P3H2: variants seen among roughly 807,000 people sequenced by gnomAD.
P3H2 encodes prolyl 3-hydroxylase 2.
P3H2 carries 80 observed loss-of-function variants against 87.0 expected under a neutral mutation model. The observed-to-expected ratio is 0.92, with a 90% CI of 0.77 to 1.11. The LOEUF (loss-of-function observed/expected upper bound fraction) is 1.11. P3H2 is among the 50% of genes least tolerant of loss of function. The probability of loss-of-function intolerance (pLI) is 0.00; values close to 1 mark genes in which losing one functional copy is unlikely to be tolerated. For missense variants in P3H2, 1,001 were observed against 923.9 expected (o/e 1.08, Z -1.08); for synonymous variants, 367 against 359.3 (o/e 1.02, Z -0.24).
At chr3:189,978,552 T>C (rs1322928498) in intron 8 of P3H2, among the ~76,000 whole-genome samples, 1 of 152,160 alleles carries the variant, frequency 6.6e-6, no homozygotes, top group Non-Finnish European at 1.5e-5. Flanking sequence ...GAATCTTGGG[T>C]TCCGGGAGAA....
At chr3:190,022,964 C>T (rs1008628487) in intron 1 of P3H2, among the ~76,000 whole-genome samples, 4 of 152,044 alleles carry the variant, frequency 2.6e-5, no homozygotes, top group African/African-American at 4.8e-5. Flanking sequence ...GTAGCTGGGA[C>T]TACAGGCACC....
intron 3 of P3H2, among the ~76,000 whole-genome samples, chr3:189,992,162 T>G (rs1301841368): frequency 6.6e-6 from 1 of 152,210 alleles, no homozygotes; most frequent in East Asian, 1.9e-4. Context: ...TGGCACCATC[T>G]CGGCTCACTG....
chr3:190,048,225 G>C (rs1725865599), intron 1 of P3H2, among the ~76,000 whole-genome samples: 1 of 152,138 alleles, frequency 6.6e-6, no homozygotes, highest in South Asian at 2.1e-4. Flanking sequence ...GCCGGGTGTG[G>C]TGGTTGACAC....
chr3:190,090,619 T>G (rs1399089545), intron 1 of P3H2, among the ~76,000 whole-genome samples: 1 of 151,604 alleles, frequency 6.6e-6, no homozygotes, highest in Admixed American at 6.6e-5. Context: ...AGGAGAATGG[T>G]GTGAAGCTGG....
chr3:190,081,588 A>G (rs1727047063), intron 1 of P3H2, among the ~76,000 whole-genome samples: 1 of 152,176 alleles, frequency 6.6e-6, no homozygotes, highest in South Asian at 2.1e-4. Flanking sequence ...TCTCCTCTTC[A>G]GGCCTGAGAG....
At position 190,085,696 on chromosome 3, in the gene P3H2, T is replaced by C. The variant is rs150253794; in HGVS notation, c.480+34556A>G. On this transcript the variant is annotated intron_variant, in intron 1 of 14. Coordinates refer to ENST00000319332, the MANE Select transcript of P3H2 (RefSeq NM_018192.4). ...AAAACCTAGAGACAGAAAATACTAATATTTATGTACAAAAGTGACTTTTGA... is the reference window on the plus strand; with the variant it reads ...AAAACCTAGAGACAGAAAATACTAACATTTATGTACAAAAGTGACTTTTGA... 1.1e-4 allele frequency among the ~76,000 whole-genome samples: 17 copies of C among 152,322 alleles called. No homozygotes were observed. The East Asian group carries it at 2.7e-3, about 24-fold the overall frequency.
At chr3:190,077,375 A>C (rs1194330065) in intron 1 of P3H2, among the ~76,000 whole-genome samples, 1 of 152,218 alleles carries the variant, frequency 6.6e-6, no homozygotes, top group African/African-American at 2.4e-5. Context: ...CAGACCTGGA[A>C]AATCAGTTGA....
intron 1 of P3H2, among the ~76,000 whole-genome samples, chr3:190,072,894 G>T (rs988087645): frequency 6.6e-6 from 1 of 152,092 alleles, no homozygotes; most frequent in Non-Finnish European, 1.5e-5. Context: ...TCTATACTTT[G>T]CTTCTCTATA....
chr3:190,084,382 C>T (rs1560393887), intron 1 of P3H2, among the ~76,000 whole-genome samples: 1 of 152,194 alleles, frequency 6.6e-6, no homozygotes, highest in Non-Finnish European at 1.5e-5. Context: ...AAGTAGCACA[C>T]TAATAGCATT....
Position 189,972,894 on chromosome 3 carries a change from A to G in P3H2, c.1679T>C (p.Val560Ala), listed in dbSNP as rs766322611. The G allele has an allele frequency of 9.3e-6, 15 of 1,614,148 alleles. No individual in the cohort carries two copies. The highest frequency in any genetic ancestry group is 3.3e-4 in the Middle Eastern group (2 of 6,062). Residue 560 changes from valine (V) to alanine (A), a missense_variant, in exon 11 of 15, where the codon GTC becomes GCC. Physicochemically the swap from Val to Ala is moderately conservative, Grantham distance 64. Coordinates refer to ENST00000319332, the MANE Select transcript of P3H2 (RefSeq NM_018192.4). ...STLYFSYTHM[V>A]CRTALSGQQD... ...CTCACCAGACAGGGCTGTTCGGCAG[A>G]CCATGTGTGTATAGGAAAAATACAG...
At chr3:190,000,586 C>T (rs71310846) in intron 1 of P3H2, among the ~76,000 whole-genome samples, 1 of 152,186 alleles carries the variant, frequency 6.6e-6, no homozygotes, top group Admixed American at 6.5e-5. Context: ...ATTCATTCAT[C>T]AAAGATTTCT....
intron 13 of P3H2, among the ~76,000 whole-genome samples, chr3:189,968,338 T>C (rs1055410439): frequency 1.1e-4 from 17 of 152,126 alleles, no homozygotes; most frequent in Admixed American, 1.1e-3. Context: ...AGTGAGAACA[T>C]GTGGTGTTTG....
intron 1 of P3H2, among the ~76,000 whole-genome samples, chr3:190,072,320 C>T (rs1416657735): frequency 6.6e-6 from 1 of 152,094 alleles, no homozygotes; most frequent in Admixed American, 6.5e-5. Context: ...AGCCACCATG[C>T]CCGGTCAAGA....
intron 1 of P3H2, among the ~76,000 whole-genome samples, chr3:190,049,892 G>A (rs1417400016): frequency 2.0e-5 from 3 of 151,894 alleles, no homozygotes; most frequent in South Asian, 2.1e-4. Flanking sequence ...GGGAAATGCC[G>A]GGTTACACAA....
intron 1 of P3H2, among the ~76,000 whole-genome samples, chr3:190,063,331 T>A (rs1409158967): frequency 6.6e-6 from 1 of 152,162 alleles, no homozygotes; most frequent in East Asian, 1.9e-4. Flanking sequence ...GCATCCTACT[T>A]GTCAGCATTC....
At chr3:190,020,807 G>A (rs1017475677) in intron 1 of P3H2, among the ~76,000 whole-genome samples, 2 of 133,396 alleles carry the variant, frequency 1.5e-5, no homozygotes, top group Admixed American at 1.5e-4. Flanking sequence ...GGCTTCCTAA[G>A]GAGTCCTTTT....
intron 3 of P3H2, among the ~76,000 whole-genome samples, chr3:189,993,077 C>G (rs954805260): frequency 6.6e-6 from 1 of 152,098 alleles, no homozygotes; most frequent in South Asian, 2.1e-4. Flanking sequence ...AATCCCAGTA[C>G]TTTGGGAAGC....
chr3:190,026,286 T>G (rs1481787333), intron 1 of P3H2, among the ~76,000 whole-genome samples: 2 of 152,146 alleles, frequency 1.3e-5, no homozygotes, highest in African/African-American at 4.8e-5. Flanking sequence ...AACTCCATCT[T>G]GAGTAGTGGC....
At chr3:190,057,524 A>G (rs1229866824) in intron 1 of P3H2, among the ~76,000 whole-genome samples, 1 of 152,156 alleles carries the variant, frequency 6.6e-6, no homozygotes, top group East Asian at 1.9e-4. Context: ...TTCCCTGGAA[A>G]CAGAATCCCA....
Sources: gnomAD v4.1 joint callset for allele counts (sites outside exome capture counted in the v4.1 genomes callset) on GRCh38, gnomAD v4.1.1 for gene constraint, MANE v1.5 for transcripts, NCBI Gene and HGNC (gene_info 2026-07-23, HGNC 2026-07-21) for gene names.